NEGR1: variants seen among roughly 807,000 people sequenced by gnomAD.
NEGR1 encodes the protein IgLON family member 4.
Under a neutral mutation model 40.9 loss-of-function variants are expected in NEGR1, and 10 were observed. The ratio of observed to expected loss-of-function variants is 0.24; its 90% CI spans 0.15 to 0.42. The LOEUF (loss-of-function observed/expected upper bound fraction) is 0.42, where lower values mean the gene tolerates loss of function less well. NEGR1 is among the 10% of genes least tolerant of loss of function. The probability of loss-of-function intolerance (pLI) is 1.00; values close to 1 mark genes in which losing one functional copy is unlikely to be tolerated. For missense variants in NEGR1, 352 were observed against 438.9 expected (o/e 0.80, Z 1.77); for synonymous variants, 185 against 166.8 (o/e 1.11, Z -0.84).
intron 1 of NEGR1, among the ~76,000 whole-genome samples, chr1:72,233,952 C>T (rs1200454510): frequency 6.6e-6 from 1 of 152,010 alleles, no homozygotes; most frequent in African/African-American, 2.4e-5. Context: ...CCACAGCTTC[C>T]CCAAAAGCTG....
intron 1 of NEGR1, among the ~76,000 whole-genome samples, chr1:72,117,490 T>G (rs1444319161): frequency 6.6e-6 from 1 of 151,766 alleles, no homozygotes; most frequent in African/African-American, 2.4e-5. Context: ...GCCAGCATTC[T>G]AGGCACATAT....
intron 2 of NEGR1, among the ~76,000 whole-genome samples, chr1:71,785,433 A>G (rs1438386190): frequency 6.6e-6 from 1 of 151,012 alleles, no homozygotes; most frequent in African/African-American, 2.5e-5. Flanking sequence ...ATTAAGAATT[A>G]ATAATGAGGT....
chr1:71,682,489 A>T (rs935474952), intron 4 of NEGR1, among the ~76,000 whole-genome samples: 1 of 152,228 alleles, frequency 6.6e-6, no homozygotes, highest in South Asian at 2.1e-4. Context: ...ATTCATATAC[A>T]GAGTTATTTT....
chr1:72,056,322 T>G (rs1175025574), intron 1 of NEGR1, among the ~76,000 whole-genome samples: 1 of 151,332 alleles, frequency 6.6e-6, no homozygotes, highest in Non-Finnish European at 1.5e-5. Flanking sequence ...GAAAAATTTA[T>G]TTTTCATTAT....
chr1:71,804,040 A>T (rs1657661896), intron 2 of NEGR1, among the ~76,000 whole-genome samples: 1 of 152,070 alleles, frequency 6.6e-6, no homozygotes, highest in Non-Finnish European at 1.5e-5. Context: ...AAATATTTTT[A>T]TTAAATATGA....
At chr1:71,867,618 T>C (rs959575327) in intron 2 of NEGR1, among the ~76,000 whole-genome samples, 1 of 152,128 alleles carries the variant, frequency 6.6e-6, no homozygotes, top group African/African-American at 2.4e-5. Flanking sequence ...ATGATTAGAA[T>C]TGCCGTACTA....
At chr1:71,561,976 C>T (rs1648475620) in intron 6 of NEGR1, among the ~76,000 whole-genome samples, 1 of 144,480 alleles carries the variant, frequency 6.9e-6, no homozygotes, top group Non-Finnish European at 1.5e-5. Flanking sequence ...ACTTTTGGCT[C>T]AATTGCAATT....
At position 72,265,491 on chromosome 1, in the gene NEGR1, G is replaced by A. The variant is rs964448606; in HGVS notation, c.176+16828C>T. 4.8e-4 allele frequency among the ~76,000 whole-genome samples: 72 copies of A among 150,652 alleles called. 1 individual carries two copies. Among genetic ancestry groups the A allele is most frequent in the Admixed American group, 2.7e-4 (4 of 15,086 alleles). On this transcript the variant is annotated intron_variant, in intron 1 of 6. Coordinates refer to ENST00000357731, the MANE Select transcript of NEGR1 (RefSeq NM_173808.3). ...TAAAGTATGTAACTAATATACTACA[G>A]AATAACAAGTCAATTGTTAAGTGTA...
intron 1 of NEGR1, among the ~76,000 whole-genome samples, chr1:72,243,495 T>A (rs1654813151): frequency 6.8e-6 from 1 of 147,726 alleles, no homozygotes; most frequent in South Asian, 2.1e-4. Context: ...AAAATAAAAG[T>A]TGGAAATAAA....
intron 1 of NEGR1, among the ~76,000 whole-genome samples, chr1:72,143,916 TATATA>T (rs1650794860): frequency 3.9e-5 from 1 of 25,804 alleles, no homozygotes; most frequent in African/African-American, 1.3e-4. Flanking sequence ...ATATATATAA[TATATA>T]TATATATATA....
At chr1:72,273,477 T>C (rs1198973457) in intron 1 of NEGR1, among the ~76,000 whole-genome samples, 2 of 151,994 alleles carry the variant, frequency 1.3e-5, no homozygotes, top group East Asian at 3.9e-4. Context: ...ATCTGGGATC[T>C]TCTTAAAATT....
rs527346114 is a variant in NEGR1, at chr1:72,108,537, C to A, written c.177-173226G>T. ...CAAAATGACTCATCATAATTCATTT[C>A]TATTTATATTAATAAAATAAATATA... is the stretch of plus-strand genomic sequence containing the variant. On this transcript the variant is annotated intron_variant, in intron 1 of 6. Transcript: ENST00000357731. Among the ~76,000 whole-genome samples the A allele has an allele frequency of 1.2e-3, 175 of 151,512 alleles. 1 individual carries two copies. Among genetic ancestry groups the A allele is most frequent in the African/African-American group, 4.1e-3 (171 of 41,434 alleles).
chr1:71,803,550 G>C (rs1294803156), intron 2 of NEGR1, among the ~76,000 whole-genome samples: 1 of 152,078 alleles, frequency 6.6e-6, no homozygotes, highest in Non-Finnish European at 1.5e-5. Flanking sequence ...CTTGCTCTCT[G>C]ACATTTCCGT....
intron 1 of NEGR1, among the ~76,000 whole-genome samples, chr1:72,140,112 G>C (rs1263839106): frequency 6.6e-6 from 1 of 152,048 alleles, no homozygotes; most frequent in Non-Finnish European, 1.5e-5. Flanking sequence ...GATACACACA[G>C]AGAAACTGGT....
Position 72,190,072 on chromosome 1 carries a change from G to T in NEGR1, c.176+92247C>A, listed in dbSNP as rs571312714. ...TAAATTTAATAGTTAAAATATTTTA[G>T]TAACAGGGAAAAATATTGGCATACT... is the stretch of plus-strand genomic sequence containing the variant. On this transcript the variant is annotated intron_variant, in intron 1 of 6. Coordinates refer to ENST00000357731, the MANE Select transcript of NEGR1 (RefSeq NM_173808.3). Among the ~76,000 whole-genome samples, 5 of 151,438 alleles carry T rather than the reference G, an allele frequency of 3.3e-5. No individual in the cohort carries two copies. The South Asian group carries it at 8.3e-4, about 25-fold the overall frequency.
chr1:71,852,365 G>A (rs1324487815), intron 2 of NEGR1, among the ~76,000 whole-genome samples: 3 of 152,086 alleles, frequency 2.0e-5, no homozygotes, highest in Non-Finnish European at 4.4e-5. Flanking sequence ...TGGCCACACA[G>A]TGTCTTAAAA....
intron 4 of NEGR1, among the ~76,000 whole-genome samples, chr1:71,680,600 A>G (rs1214862969): frequency 6.6e-6 from 1 of 151,788 alleles, no homozygotes; most frequent in Non-Finnish European, 1.5e-5. Context: ...CTGTATGTTC[A>G]TTTCTGTTTT....
chr1:72,273,815 AC>A (rs1272956560), intron 1 of NEGR1, among the ~76,000 whole-genome samples: 1 of 151,470 alleles, frequency 6.6e-6, no homozygotes, highest in East Asian at 1.9e-4. Context: ...TAAGGCAGGG[AC>A]TGTTGATATA....
At chr1:71,739,695 G>A (rs549420777) in intron 3 of NEGR1, among the ~76,000 whole-genome samples, 64 of 152,154 alleles carry the variant, frequency 4.2e-4, no homozygotes, top group African/African-American at 1.5e-3. Context: ...ATTCACTCAA[G>A]CAATAAAAAG....
Sources: gnomAD v4.1 joint callset for allele counts (sites outside exome capture counted in the v4.1 genomes callset) on GRCh38, gnomAD v4.1.1 for gene constraint, MANE v1.5 for transcripts, NCBI Gene and HGNC (gene_info 2026-07-23, HGNC 2026-07-21) for gene names.